The following PCBP3 variants were observed in gnomAD, a reference collection of about 807,000 sequenced individuals.
PCBP3 encodes the protein poly(rC)-binding protein 3.
A neutral mutation model predicts 52.7 loss-of-function variants in PCBP3; 25 were observed. That is an observed-to-expected ratio of 0.47 (90% CI 0.35 to 0.66). PCBP3 has a LOEUF of 0.66. Among genes scored for constraint, PCBP3 ranks in the 30% least tolerant of loss-of-function variants. PCBP3 has a pLI of 0.01. For synonymous variants in PCBP3, 162 were observed against 183.0 expected, an observed-to-expected ratio of 0.89 and a Z score of 0.93; for missense variants, 391 against 490.3, an observed-to-expected ratio of 0.80 and a Z score of 1.91.
At chr21:45,756,761 T>C (rs962563977) in intron 4 of PCBP3, among the ~76,000 whole-genome samples, 9 of 152,246 alleles carry the variant, frequency 5.9e-5, no homozygotes, top group Non-Finnish European at 1.3e-4. Context: ...ATACAACATG[T>C]GGCTTTTGGT....
chr21:45,912,060 CTCCTCAACAACACGTGGGTCTCGTCAGCG>C (rs1201360400), intron 11 of PCBP3, among the ~76,000 whole-genome samples: 2 of 152,216 alleles, frequency 1.3e-5, no homozygotes, highest in Non-Finnish European at 2.9e-5. Flanking sequence ...CGAGGTCCAG[CTCCTCAACAACACGTGGGTCTCGTCAGCG>C]TCACCCAGTG....
chr21:45,864,823 A>C (rs1177816520), intron 5 of PCBP3, among the ~76,000 whole-genome samples: 3 of 152,252 alleles, frequency 2.0e-5, no homozygotes. Context: ...GACCAAGTTC[A>C]TAGAAATAAA....
chr21:45,899,046 C>T (rs112083222), intron 6 of PCBP3, among the ~76,000 whole-genome samples: 6 of 152,360 alleles, frequency 3.9e-5, no homozygotes, highest in African/African-American at 9.6e-5. Flanking sequence ...AGCTCTGTCC[C>T]GCTGCTGGAC....
chr21:45,682,735 C>G (rs2081927098), intron 2 of PCBP3, among the ~76,000 whole-genome samples: 1 of 151,920 alleles, frequency 6.6e-6, no homozygotes, highest in East Asian at 1.9e-4. Flanking sequence ...TGAGGAGGAG[C>G]AGGCTAGGGG....
At chr21:45,754,935 A>G (rs1051770982) in intron 3 of PCBP3, among the ~76,000 whole-genome samples, 1 of 150,454 alleles carries the variant, frequency 6.6e-6, no homozygotes, top group Non-Finnish European at 1.5e-5. Flanking sequence ...TCTTGTATTT[A>G]TCTTGCTTGG....
intron 4 of PCBP3, among the ~76,000 whole-genome samples, chr21:45,797,495 G>GAATGCATTGA (rs1569235119): frequency 1.4e-3 from 3 of 2,182 alleles, no homozygotes; most frequent in African/African-American, 3.4e-3. Flanking sequence ...TAGAGAGAGT[G>GAATGCATTGA]TAATGCATGG....
At chr21:45,936,444 G>A (rs533523307) in intron 16 of PCBP3, among the ~76,000 whole-genome samples, 2 of 152,328 alleles carry the variant, frequency 1.3e-5, no homozygotes, top group East Asian at 3.9e-4. Flanking sequence ...GCAGCATTGT[G>A]GTCCAGCCTT....
rs572353895 is a variant in PCBP3 at position 45,817,211 on chromosome 21, C to G, written c.-125-32750C>G. Among the ~76,000 whole-genome samples the G allele has an allele frequency of 6.6e-6, 1 of 152,164 alleles. No homozygotes were observed. Among genetic ancestry groups the G allele is most frequent in the African/African-American group, 2.4e-5 (1 of 41,430 alleles). ...CTTTGTCAAGGAAAGTCTTCACTAT[C>G]CCTTCCTCTAGAACTTAACGTTGTC... On this transcript the variant is annotated intron_variant, in intron 4 of 17. Transcript: ENST00000681687. The surrounding 1 kb of genome is among the most constrained non-coding windows in gnomAD (Gnocchi z 4.3).
intron 2 of PCBP3, among the ~76,000 whole-genome samples, chr21:45,678,277 G>A (rs1435236711): frequency 6.6e-6 from 1 of 150,806 alleles, no homozygotes; most frequent in South Asian, 2.1e-4. Context: ...CTGCACTCTA[G>A]CCTGGGCGAC....
At chr21:45,884,659 C>T (rs2148829651) in intron 5 of PCBP3, among the ~76,000 whole-genome samples, 1 of 152,158 alleles carries the variant, frequency 6.6e-6, no homozygotes, top group Non-Finnish European at 1.5e-5. Flanking sequence ...TAACCAGGCT[C>T]CAGCCGTCCT....
intron 4 of PCBP3, among the ~76,000 whole-genome samples, chr21:45,840,455 T>C (rs1342551963): frequency 6.0e-5 from 5 of 83,602 alleles, no homozygotes; most frequent in Non-Finnish European, 1.1e-4. Context: ...GGACCCTGTC[T>C]CAAAAAAAAA....
chr21:45,909,397 C>T lies in PCBP3; in HGVS notation c.382C>T (p.Pro128Ser), dbSNP rs1453602870. ...GAGCAACAGCCCTGCCACCAGCAAG[C>T]CCCCAGTGACGCTGAGGCTGGTGGT... ...SMSNSPATSK[P>S]PVTLRLVVPA... Residue 128 changes from proline (P) to serine (S), a missense_variant, in exon 10 of 18, where the codon CCC becomes TCC. By Grantham distance (74) the Pro-to-Ser change is moderately conservative. Coordinates refer to ENST00000681687, the MANE Select transcript of PCBP3 (RefSeq NM_001384156.1). 4 of 1,612,848 alleles carry T rather than the reference C, an allele frequency of 2.5e-6. No homozygotes were observed. The highest frequency in any genetic ancestry group is 1.3e-5 in the African/African-American group (1 of 74,900).
At chr21:45,661,392 C>T (rs914679016) in intron 1 of PCBP3, among the ~76,000 whole-genome samples, 11 of 152,032 alleles carry the variant, frequency 7.2e-5, no homozygotes, top group African/African-American at 1.9e-4. Context: ...CATATTCTCT[C>T]GTAAGTGAGA....
chr21:45,823,722 G>T (rs59104431), intron 4 of PCBP3, among the ~76,000 whole-genome samples: 30,248 of 97,070 alleles, frequency 0.31, 4,465 homozygotes, highest in African/African-American at 0.47. Flanking sequence ...CAAAGTAGGT[G>T]TTTTTTTTTT....
chr21:45,855,702 C>G (rs138875344), intron 5 of PCBP3, among the ~76,000 whole-genome samples: 17 of 152,364 alleles, frequency 1.1e-4, no homozygotes, highest in Non-Finnish European at 2.2e-4. Flanking sequence ...GCCCACGTGT[C>G]TGTCTGCCTT....
chr21:45,789,218 A>C (rs375260305), intron 4 of PCBP3, among the ~76,000 whole-genome samples: 1 of 152,242 alleles, frequency 6.6e-6, no homozygotes, highest in Non-Finnish European at 1.5e-5. Context: ...GCAAATGTGC[A>C]TGCATGTTTG....
chr21:45,810,239 TGTGTGTGAGAGA>T (rs1327956248), intron 4 of PCBP3, among the ~76,000 whole-genome samples: 1 of 151,596 alleles, frequency 6.6e-6, no homozygotes, highest in African/African-American at 2.4e-5. Context: ...TGTGTGTGTG[TGTGTGTGAGAGA>T]GTGTGTGTGA....
chr21:45,764,569 C>G (rs1403411757), intron 4 of PCBP3, among the ~76,000 whole-genome samples: 1 of 152,210 alleles, frequency 6.6e-6, no homozygotes, highest in East Asian at 1.9e-4. Context: ...CATGGAGCCT[C>G]TCTCAGAAAC....
At chr21:45,900,734 T>C in intron 8 of PCBP3, 111 bp downstream of exon 8, 1 of 902,262 alleles carries the variant, frequency 1.1e-6, no homozygotes, top group Non-Finnish European at 1.8e-6. Flanking sequence ...AGCCGGGGTG[T>C]GTGGGGAGTG....
Sources: gnomAD v4.1 joint callset for allele counts (sites outside exome capture counted in the v4.1 genomes callset) on GRCh38, gnomAD v4.1.1 for gene constraint, Gnocchi (gnomAD v3.1) non-coding constraint, MANE v1.5 for transcripts, NCBI Gene and HGNC (gene_info 2026-07-23, HGNC 2026-07-21) for gene names.